The following KANSL1 variants were observed in gnomAD, a reference collection of about 807,000 sequenced individuals.
The protein encoded by KANSL1 is MLL1/MLL complex subunit KANSL1.
Under a neutral mutation model 103.6 loss-of-function variants are expected in KANSL1, and 22 were observed. The ratio of observed to expected loss-of-function variants is 0.21; its 90% CI spans 0.15 to 0.30. KANSL1 has a LOEUF of 0.30. Ranked by LOEUF, KANSL1 falls within the 10% of genes least tolerant of loss-of-function variation. The probability of loss-of-function intolerance (pLI) is 1.00; values close to 1 mark genes in which losing one functional copy is unlikely to be tolerated. For missense variants in KANSL1, 1,337 were observed against 1,399.8 expected (o/e 0.96, Z 0.72); for synonymous variants, 600 against 527.6 (o/e 1.14, Z -1.88).
chr17:46,168,831 C>A (rs1474402359), intron 2 of KANSL1, among the ~76,000 whole-genome samples: 6 of 152,354 alleles, frequency 3.9e-5, no homozygotes, highest in African/African-American at 1.4e-4. Context: ...ATACACTTCA[C>A]ACCCTTCCAA....
intron 2 of KANSL1, among the ~76,000 whole-genome samples, chr17:46,147,841 G>C (rs953231238): frequency 1.3e-5 from 2 of 152,198 alleles, no homozygotes; most frequent in Non-Finnish European, 2.9e-5. Flanking sequence ...ATCAAAAATA[G>C]AATCACAGGC....
intron 2 of KANSL1, chr17:46,148,034 C>T (rs1342980107): frequency 2.6e-5 from 4 of 152,176 alleles, no homozygotes; most frequent in Non-Finnish European, 4.4e-5. Flanking sequence ...GGGACACAAA[C>T]GTCCTACTTC....
intron 6 of KANSL1, among the ~76,000 whole-genome samples, chr17:46,063,011 T>C (rs996254758): frequency 4.6e-5 from 7 of 152,014 alleles, no homozygotes; most frequent in African/African-American, 1.2e-4. Context: ...GATCGCACCA[T>C]TGCACTCCAG....
At position 46,038,608 on chromosome 17, in the gene KANSL1, C is replaced by T; in HGVS notation, c.2471G>A (p.Arg824Gln). 1 of 1,614,116 alleles carries T rather than the reference C, an allele frequency of 6.2e-7. No individual in the cohort carries two copies. Among genetic ancestry groups the T allele is most frequent in the Non-Finnish European group, 8.5e-7 (1 of 1,180,032 alleles). ...GGAATCTGAGGAGGTGGAGAGCTGT[C>T]GCACCAAGGGACTGTGTGGAGGATG... is the stretch of plus-strand genomic sequence containing the variant. Reference protein sequence around the residue: ...THHPPHSPLVRQLSTSSDSPA... With the variant: ...THHPPHSPLVQQLSTSSDSPA... Residue 824 changes from arginine to glutamine, a missense_variant, in exon 10 of 15, where the codon CGA becomes CAA. Arg to Gln is a conservative substitution (Grantham distance 43). This residue lies in a region of KANSL1 where 780 missense variants were observed against 923.4 expected (regional missense o/e 0.84). Transcript: ENST00000432791.
At chr17:46,163,079 G>A (rs2045826938) in intron 2 of KANSL1, among the ~76,000 whole-genome samples, 1 of 152,166 alleles carries the variant, frequency 6.6e-6, no homozygotes, top group Non-Finnish European at 1.5e-5. Flanking sequence ...AGATCACTCT[G>A]AACTTTGTTC....
At chr17:46,159,963 C>T (rs895201296) in intron 2 of KANSL1, among the ~76,000 whole-genome samples, 2 of 152,226 alleles carry the variant, frequency 1.3e-5, no homozygotes, top group African/African-American at 2.4e-5. Context: ...TTACAGCAAA[C>T]AGCAAAGCTA....
chr17:46,083,797 C>T (rs912690608), intron 3 of KANSL1, among the ~76,000 whole-genome samples: 1 of 151,994 alleles, frequency 6.6e-6, no homozygotes, highest in Admixed American at 6.6e-5. Context: ...CAAAGAACAT[C>T]CTAAAGTATA....
At chr17:46,121,671 C>T (rs1379044173) in intron 2 of KANSL1, among the ~76,000 whole-genome samples, 1 of 151,594 alleles carries the variant, frequency 6.6e-6, no homozygotes, top group African/African-American at 2.4e-5. Flanking sequence ...TATTGACCCC[C>T]CCACCCCACT....
intron 1 of KANSL1, among the ~76,000 whole-genome samples, chr17:46,212,145 A>G (rs892408394): frequency 2.0e-5 from 3 of 152,170 alleles, no homozygotes; most frequent in Admixed American, 2.0e-4. Context: ...TTATCTTTAT[A>G]CACTTAGAAT....
In KANSL1 at chr17:46,171,768, C is replaced by G; in HGVS notation, c.376G>C (p.Gly126Arg). Residue 126 changes from glycine (G) to arginine (R), a missense_variant, in exon 2 of 15, where the codon GGG becomes CGG. By Grantham distance (125) the Gly-to-Arg change is moderately radical. This residue lies in a region of KANSL1 where 557 missense variants were observed against 476.4 expected (regional missense o/e 1.17). Transcript: ENST00000432791. The stretch of plus-strand genomic sequence containing the variant: ...GAAAACTCCAAAACTGGCTGTCTCC[C>G]CAACAGCTCAGCTCGGAGTTCATAG... ...QSYELRAELLGRQPVLEFSLE... is the reference protein window; with the variant it reads ...QSYELRAELLRRQPVLEFSLE... 2 of 1,603,758 alleles carry G rather than the reference C, an allele frequency of 1.2e-6. No individual in the cohort carries two copies. The highest frequency in any genetic ancestry group is 2.2e-5 in the East Asian group (1 of 44,704).
intron 3 of KANSL1, among the ~76,000 whole-genome samples, chr17:46,084,032 A>T (rs1426087459): frequency 6.6e-6 from 1 of 152,196 alleles, no homozygotes; most frequent in African/African-American, 2.4e-5. Context: ...TTGAAGCAAA[A>T]GAAGCACTGC....
rs1283336461 is a variant in KANSL1, at chr17:46,204,136, A to G, written c.-90+19535T>C. 2.0e-5 allele frequency among the ~76,000 whole-genome samples: 3 copies of G among 152,160 alleles called. No individual in the cohort carries two copies. In the East Asian group the frequency reaches 5.8e-4, roughly 29 times the overall value. ...GCCACTGTACTCCAGCCTAGGCAAC[A>G]TAGGAAGACCCTATCTCTAAAACAA... On this transcript the variant is annotated intron_variant, in intron 1 of 14. Transcript: ENST00000572904.
intron 2 of KANSL1, among the ~76,000 whole-genome samples, chr17:46,158,539 T>C (rs962550904): frequency 1.3e-5 from 2 of 152,116 alleles, no homozygotes; most frequent in Admixed American, 6.5e-5. Context: ...ATTTTTGTAT[T>C]TTTTGTTTTG....
chr17:46,175,846 T>C (rs2046494974), intron 1 of KANSL1, among the ~76,000 whole-genome samples: 1 of 152,254 alleles, frequency 6.6e-6, no homozygotes, highest in South Asian at 2.1e-4. Context: ...TACTAATATA[T>C]TATTAAACAT....
At chr17:46,132,139 A>AAC (rs1400868859) in intron 2 of KANSL1, among the ~76,000 whole-genome samples, 1 of 152,154 alleles carries the variant, frequency 6.6e-6, no homozygotes, top group African/African-American at 2.4e-5. Flanking sequence ...AAAAAAAAAA[A>AAC]GTAAAATGAG....
intron 4 of KANSL1, among the ~76,000 whole-genome samples, chr17:46,074,230 C>T (rs2078678632): frequency 6.6e-6 from 1 of 152,022 alleles, no homozygotes; most frequent in Admixed American, 6.6e-5. Flanking sequence ...GACACAGGAG[C>T]CAATCTGAAA....
intron 4 of KANSL1, among the ~76,000 whole-genome samples, chr17:46,081,762 T>C (rs950009495): frequency 1.5e-4 from 23 of 152,354 alleles, no homozygotes; most frequent in African/African-American, 5.5e-4. Flanking sequence ...TGAAGCATAA[T>C]CAAAATAATA....
intron 1 of KANSL1, among the ~76,000 whole-genome samples, chr17:46,186,113 T>C (rs62060921): frequency 0.14 from 21,940 of 151,858 alleles, 2,135 homozygotes; most frequent in Non-Finnish European, 0.22. Flanking sequence ...CGGTGGCTCA[T>C]GCCTGTAATA....
upstream of KANSL1, chr17:46,193,876 A>G (rs972058295): frequency 1.4e-4 from 22 of 158,064 alleles, no homozygotes; most frequent in South Asian, 2.6e-4. Context: ...TGCACTGTGT[A>G]GTAAAGAGGG....
Sources: gnomAD v4.1 joint callset for allele counts (sites outside exome capture counted in the v4.1 genomes callset) on GRCh38, gnomAD v4.1.1 for gene constraint, gnomAD v4.1.1 regional missense constraint, MANE v1.5 for transcripts, NCBI Gene and HGNC (gene_info 2026-07-23, HGNC 2026-07-21) for gene names.